The following LYRM7 variants were observed in gnomAD, a reference collection of about 807,000 sequenced individuals.
LYRM7 encodes LYR motif containing 7.
LYRM7 carries 9 observed loss-of-function variants against 15.8 expected under a neutral mutation model. The ratio of observed to expected loss-of-function variants is 0.57; its 90% CI spans 0.34 to 0.99. LYRM7 has a LOEUF of 0.99. LYRM7 is among the 50% of genes least tolerant of loss of function. The pLI is 0.02. For synonymous variants in LYRM7, 39 were observed against 39.4 expected (o/e 0.99, Z 0.04); for missense variants, 115 against 119.1 (o/e 0.97, Z 0.16).
At chr5:131,184,598 G>A (rs1580696126) in intron 3 of LYRM7, among the ~76,000 whole-genome samples, 1 of 149,460 alleles carries the variant, frequency 6.7e-6, no homozygotes, top group Non-Finnish European at 1.5e-5. Flanking sequence ...TAGTTCCAAT[G>A]TGCAACTCTG....
At position 131,180,113 on chromosome 5, in the gene LYRM7, A is replaced by G; in HGVS notation, c.37A>G (p.Thr13Ala). 1 of 1,612,810 alleles carries G rather than the reference A, an allele frequency of 6.2e-7. No individual in the cohort carries two copies. The highest frequency in any genetic ancestry group is 2.2e-5 in the East Asian group (1 of 44,808). Reference sequence around the variant, plus strand: ...TTAACAGGTTTTACAGCTCTTTAAAACACTGCACAGGACCAGACAACAAGT... The same window carrying G: ...TTAACAGGTTTTACAGCTCTTTAAAGCACTGCACAGGACCAGACAACAAGT... The part of the protein sequence containing the change: ...RAVKVLQLFK[T>A]LHRTRQQVFK... The change falls in exon 2 of 5, where the codon ACA (threonine) becomes GCA (alanine). Residue 13 changes from threonine (T) to alanine (A), a missense_variant. By Grantham distance (58) the Thr-to-Ala change is moderately conservative. Coordinates refer to ENST00000379380, the MANE Select transcript of LYRM7 (RefSeq NM_181705.4).
chr5:131,170,977 G>T lies in LYRM7; in HGVS notation c.-44G>T. 2 of 1,534,574 alleles carry T rather than the reference G, an allele frequency of 1.3e-6. No homozygotes were observed. The highest frequency in any genetic ancestry group is 4.4e-5 in the Admixed American group (2 of 45,834). ...CTTTGATTGGTTGCTGAGAGGCGGG[G>T]CTACTCGACTGCTCTGGAGGTAGCG... On this transcript the variant is annotated 5_prime_UTR_variant, in exon 1 of 5. Coordinates refer to ENST00000379380, the MANE Select transcript of LYRM7 (RefSeq NM_181705.4).
chr5:131,182,422 G>A, intron 3 of LYRM7, 123 bp downstream of exon 3: 1 of 924,730 alleles, frequency 1.1e-6, no homozygotes, highest in Non-Finnish European at 1.5e-6. Context: ...CATCACAACT[G>A]TAGATAACCT....
At chr5:131,189,979 G>A (rs904653603) in intron 4 of LYRM7, among the ~76,000 whole-genome samples, 7 of 151,266 alleles carry the variant, frequency 4.6e-5, no homozygotes, top group African/African-American at 1.5e-4. Context: ...CCAGAAATAC[G>A]AAAAATTCAC....
chr5:131,180,651 T>C (rs1179717743), intron 2 of LYRM7, among the ~76,000 whole-genome samples: 1 of 152,222 alleles, frequency 6.6e-6, no homozygotes, highest in East Asian at 1.9e-4. Flanking sequence ...GTTATTCATG[T>C]TCAGTTCCAC....
chr5:131,200,106 G>A lies in LYRM7; in HGVS notation c.*505G>A, dbSNP rs1756036429. The A allele has an allele frequency of 6.6e-6, 1 of 152,306 alleles. No individual in the cohort carries two copies. The highest frequency in any genetic ancestry group is 6.5e-5 in the Admixed American group (1 of 15,282). 9.4% of individuals were successfully genotyped at this position (152,306 alleles called of 1,614,324 possible). On this transcript the variant is annotated 3_prime_UTR_variant, in exon 5 of 5. Coordinates refer to ENST00000379380, the MANE Select transcript of LYRM7 (RefSeq NM_181705.4). Reference sequence around the variant, plus strand: ...TTTCTAAAGCACTGGGATTATTTCTGTAGCTAATATATAATTGTACAGTTT... The same window carrying A: ...TTTCTAAAGCACTGGGATTATTTCTATAGCTAATATATAATTGTACAGTTT...
At position 131,171,025 on chromosome 5, in the gene LYRM7, G is replaced by C; in HGVS notation, c.5G>C (p.Gly2Ala). The C allele has an allele frequency of 6.5e-7, 1 of 1,540,504 alleles. No individual in the cohort carries two copies. The highest frequency in any genetic ancestry group is 8.7e-7 in the Non-Finnish European group (1 of 1,151,864). Reference sequence around the variant, plus strand: ...GCGGCCGCGGTGAGGAGAGCCATGGGACGGGCAGTCAAGGTGACAGGGCCC... The same window carrying C: ...GCGGCCGCGGTGAGGAGAGCCATGGCACGGGCAGTCAAGGTGACAGGGCCC... M[G>A]RAVKVLQLFK... The change falls in exon 1 of 5, where the codon GGA (glycine) becomes GCA (alanine). Residue 2 changes from glycine to alanine, a missense_variant. By Grantham distance (60) the Gly-to-Ala change is moderately conservative. Coordinates refer to ENST00000379380, the MANE Select transcript of LYRM7 (RefSeq NM_181705.4).
intron 2 of LYRM7, among the ~76,000 whole-genome samples, chr5:131,181,397 TTA>T (rs57813127): frequency 3.0e-5 from 3 of 99,386 alleles, no homozygotes; most frequent in Admixed American, 1.2e-4. Context: ...TACATATATA[TTA>T]TATATACATA....
Position 131,181,393 on chromosome 5 carries a change from TA to T in LYRM7, c.92-835del, listed in dbSNP as rs1378147052. On this transcript the variant is annotated intron_variant, in intron 2 of 4. Coordinates refer to ENST00000379380, the MANE Select transcript of LYRM7 (RefSeq NM_181705.4). ...TATATGTATATATAATATATACATA[TA>T]TATTATATATACATATATATGTTTA... Among the ~76,000 whole-genome samples the T allele has an allele frequency of 1.8e-3, 173 of 98,770 alleles. 1 individual carries two copies. Among genetic ancestry groups the T allele is most frequent in the Non-Finnish European group, 2.5e-3 (142 of 56,690 alleles). The allele number at this position is 98,770 out of a possible 152,430, so 64.8% of individuals were successfully genotyped here.
chr5:131,197,538 TG>T (rs1755985056), intron 4 of LYRM7, among the ~76,000 whole-genome samples: 2 of 124,002 alleles, frequency 1.6e-5, no homozygotes, highest in Non-Finnish European at 3.2e-5. Flanking sequence ...TGTTGTCTTC[TG>T]TCTTTTTTTT....
At chr5:131,191,364 A>T (rs543448777) in intron 4 of LYRM7, among the ~76,000 whole-genome samples, 6 of 152,154 alleles carry the variant, frequency 3.9e-5, no homozygotes, top group Non-Finnish European at 7.4e-5. Flanking sequence ...AGTTGTGATT[A>T]TGTGTTTCTA....
rs556444674 is a variant in LYRM7 at position 131,178,834 on chromosome 5, C to T, written c.19-1261C>T. Among the ~76,000 whole-genome samples the T allele has an allele frequency of 2.4e-4, 36 of 152,072 alleles. No homozygotes were observed. The East Asian group carries it at 5.8e-3, about 24-fold the overall frequency. On this transcript the variant is annotated intron_variant, in intron 1 of 4. Coordinates refer to ENST00000379380, the MANE Select transcript of LYRM7 (RefSeq NM_181705.4). Reference sequence around the variant, plus strand: ...AAAATTAGCTGGGCGTGGTGGCACACGCCTGTAATCTCAGCTACTTGGGAG... The same window carrying T: ...AAAATTAGCTGGGCGTGGTGGCACATGCCTGTAATCTCAGCTACTTGGGAG...
chr5:131,177,678 G>A (rs554312422), intron 1 of LYRM7, among the ~76,000 whole-genome samples: 1 of 152,266 alleles, frequency 6.6e-6, no homozygotes, highest in South Asian at 2.1e-4. Flanking sequence ...ACATCATGCT[G>A]TGCTGTGTTA....
In LYRM7 at chr5:131,193,933, C is replaced by T. The variant is rs545065748; in HGVS notation, c.245-5598C>T. Among the ~76,000 whole-genome samples, 6 of 151,984 alleles carry T rather than the reference C, an allele frequency of 3.9e-5. No individual in the cohort carries two copies. In the East Asian group the frequency reaches 5.8e-4, roughly 15 times the overall value. ...CTGAGGCAGGAGAATCGCTTGAACC[C>T]GGGAGGCGGAGGTTGCAGTGAGCCG... On this transcript the variant is annotated intron_variant, in intron 4 of 4. Transcript: ENST00000379380.
At chr5:131,172,978 A>G (rs928932251) in intron 1 of LYRM7, among the ~76,000 whole-genome samples, 1 of 152,214 alleles carries the variant, frequency 6.6e-6, no homozygotes, top group Non-Finnish European at 1.5e-5. Context: ...GTTAACTCCA[A>G]TAGTGCTATG....
intron 1 of LYRM7, among the ~76,000 whole-genome samples, chr5:131,178,802 A>G (rs1755638453): frequency 6.6e-6 from 1 of 152,068 alleles, no homozygotes; most frequent in Admixed American, 6.6e-5. Flanking sequence ...TCTACTAAAG[A>G]TAACAAAAAA....
intron 1 of LYRM7, among the ~76,000 whole-genome samples, chr5:131,174,414 T>TA (rs1755566504): frequency 6.6e-6 from 1 of 152,260 alleles, no homozygotes; most frequent in Admixed American, 6.5e-5. Flanking sequence ...AAATGCCTGT[T>TA]ATTGTTGCTA....
At position 131,199,725 on chromosome 5, in the gene LYRM7, AG is replaced by A. The variant is rs1162697645; in HGVS notation, c.*125del. 32 of 521,834 alleles carry A rather than the reference AG, an allele frequency of 6.1e-5. No individual in the cohort carries two copies. The highest frequency in any genetic ancestry group is 1.0e-4 in the Non-Finnish European group (31 of 297,024). 32.3% of individuals were successfully genotyped at this position (521,834 alleles called of 1,614,324 possible). On this transcript the variant is annotated 3_prime_UTR_variant, in exon 5 of 5. Coordinates refer to ENST00000379380, the MANE Select transcript of LYRM7 (RefSeq NM_181705.4). The stretch of plus-strand genomic sequence containing the variant: ...ATTGAAAATGAATGAATTACAGAAT[AG>A]CTTCATATTTAAATTTCATGTTAAA...
chr5:131,183,870 C>G (rs1285256897), intron 3 of LYRM7, among the ~76,000 whole-genome samples: 2 of 151,954 alleles, frequency 1.3e-5, no homozygotes, highest in African/African-American at 2.4e-5. Context: ...TTTAAAATAA[C>G]AATTTTATTA....
Sources: gnomAD v4.1 joint callset for allele counts (sites outside exome capture counted in the v4.1 genomes callset) on GRCh38, gnomAD v4.1.1 for gene constraint, MANE v1.5 for transcripts, NCBI Gene and HGNC (gene_info 2026-07-23, HGNC 2026-07-21) for gene names.